The following STPG2 variants were observed in gnomAD, a reference collection of about 807,000 sequenced individuals.
STPG2 encodes the protein sperm-tail PG-rich repeat-containing protein 2.
In STPG2, 56 loss-of-function variants were observed where a neutral mutation model predicts 54.2. That is an observed-to-expected ratio of 1.03 (90% CI 0.83 to 1.29). STPG2 has a LOEUF of 1.29. STPG2 is among the 50% of genes most tolerant of loss of function. The probability of loss-of-function intolerance (pLI) is 0.00; values close to 1 mark genes in which losing one functional copy is unlikely to be tolerated. For missense variants in STPG2, 596 were observed against 544.9 expected (o/e 1.09, Z -0.93); for synonymous variants, 200 against 181.8 (o/e 1.10, Z -0.81).
At chr4:97,804,340 C>T (rs1727487345) in intron 9 of STPG2, among the ~76,000 whole-genome samples, 1 of 152,052 alleles carries the variant, frequency 6.6e-6, no homozygotes, top group Non-Finnish European at 1.5e-5. Flanking sequence ...CTGAAAAATT[C>T]CTGTTGCCTA....
chr4:97,804,433 A>C (rs1727490650), intron 9 of STPG2, among the ~76,000 whole-genome samples: 1 of 152,196 alleles, frequency 6.6e-6, no homozygotes, highest in Admixed American at 6.5e-5. Flanking sequence ...CAACAACAAC[A>C]AAAAGTTGAA....
chr4:97,960,237 A>C (rs550756239), intron 7 of STPG2, among the ~76,000 whole-genome samples: 8 of 152,146 alleles, frequency 5.3e-5, no homozygotes, highest in Non-Finnish European at 8.8e-5. Context: ...CACAACCAAC[A>C]TAATACTGAA....
intron 6 of STPG2, 91 bp from the exon 7 acceptor site, chr4:97,972,531 T>A: frequency 2.7e-6 from 2 of 749,402 alleles, no homozygotes; most frequent in Non-Finnish European, 3.9e-6. Flanking sequence ...GGTTTTTTTC[T>A]AAATAAAAAA....
At chr4:97,533,515 T>A (rs188529854) in intron 4 of STPG2, among the ~76,000 whole-genome samples, 1 of 152,046 alleles carries the variant, frequency 6.6e-6, no homozygotes, top group Non-Finnish European at 1.5e-5. Context: ...ATCACCATCA[T>A]TTGAATCATA....
At chr4:97,839,317 C>T (rs187371744) in intron 9 of STPG2, among the ~76,000 whole-genome samples, 71 of 151,642 alleles carry the variant, frequency 4.7e-4, no homozygotes, top group Admixed American at 3.0e-3. Context: ...TTTACTTGCC[C>T]TATGCTAAAT....
intron 10 of STPG2, among the ~76,000 whole-genome samples, chr4:97,641,745 A>G (rs1721772422): frequency 6.6e-6 from 1 of 151,500 alleles, no homozygotes; most frequent in South Asian, 2.1e-4. Context: ...ATAAAAAAGG[A>G]AATTCATTGA....
intron 8 of STPG2, among the ~76,000 whole-genome samples, chr4:97,924,489 C>G (rs1444557368): frequency 6.6e-6 from 1 of 152,084 alleles, no homozygotes; most frequent in African/African-American, 2.4e-5. Context: ...CTGAATTGGT[C>G]AAAGTATAAC....
intron 4 of STPG2, among the ~76,000 whole-genome samples, chr4:97,528,830 G>A: frequency 6.6e-6 from 1 of 152,026 alleles, no homozygotes; most frequent in East Asian, 1.9e-4. Flanking sequence ...GAATGCTTGT[G>A]ATTTTTGCAC....
intron 1 of STPG2, among the ~76,000 whole-genome samples, chr4:98,140,297 G>A (rs1266569469): frequency 6.6e-6 from 1 of 151,992 alleles, no homozygotes; most frequent in African/African-American, 2.4e-5. Context: ...AGAACATGAA[G>A]AACATTATAA....
chr4:97,992,945 T>A (rs1013857701), intron 5 of STPG2, among the ~76,000 whole-genome samples: 6 of 152,216 alleles, frequency 3.9e-5, no homozygotes, highest in African/African-American at 1.4e-4. Context: ...TCCTGAAACT[T>A]TGCTGAATTC....
intron 10 of STPG2, among the ~76,000 whole-genome samples, chr4:97,564,182 A>C (rs1016497783): frequency 1.3e-5 from 2 of 152,122 alleles, no homozygotes; most frequent in Non-Finnish European, 2.9e-5. Context: ...CTTTACCATT[A>C]TGTAATGGCC....
intron 8 of STPG2, among the ~76,000 whole-genome samples, chr4:97,885,440 A>G (rs1003275830): frequency 2.0e-5 from 3 of 152,232 alleles, no homozygotes; most frequent in South Asian, 2.1e-4. Context: ...AAAGACAAAG[A>G]GAAAATAGAA....
At chr4:97,476,433 C>A (rs1424814240) in intron 4 of STPG2, among the ~76,000 whole-genome samples, 1 of 151,812 alleles carries the variant, frequency 6.6e-6, no homozygotes, top group Non-Finnish European at 1.5e-5. Flanking sequence ...GTTTTAATAC[C>A]ATTTCTTTTT....
At position 97,963,761 on chromosome 4, in the gene STPG2, C is replaced by T. The variant is rs141966670; in HGVS notation, c.933+8519G>A. 2.7e-4 allele frequency among the ~76,000 whole-genome samples: 41 copies of T among 151,474 alleles called. No individual in the cohort carries two copies. In the East Asian group the frequency reaches 3.7e-3, roughly 14 times the overall value. ...CATATATATTTATTTATACTTATAT[C>T]GGACTAAATGAACAATAGAAATTAA... On this transcript the variant is annotated intron_variant, in intron 7 of 10. Transcript: ENST00000295268.
intron 8 of STPG2, among the ~76,000 whole-genome samples, chr4:97,935,995 A>G (rs1732733125): frequency 1.5e-5 from 2 of 129,260 alleles, no homozygotes; most frequent in African/African-American, 5.9e-5. Context: ...ATCTCCCACT[A>G]TTATTGTATG....
chr4:97,734,441 C>T (rs774516339), intron 9 of STPG2, among the ~76,000 whole-genome samples: 5 of 152,066 alleles, frequency 3.3e-5, no homozygotes, highest in Non-Finnish European at 5.9e-5. Context: ...TCCAATGGGC[C>T]CCAGAGTGTG....
At chr4:97,840,260 C>T (rs534419400) in intron 9 of STPG2, among the ~76,000 whole-genome samples, 1 of 151,336 alleles carries the variant, frequency 6.6e-6, no homozygotes, top group East Asian at 1.9e-4. Context: ...GTGCCTTTCT[C>T]CTCTAACAAC....
At chr4:97,643,065 AT>A (rs1292062809) in intron 10 of STPG2, among the ~76,000 whole-genome samples, 1 of 151,542 alleles carries the variant, frequency 6.6e-6, no homozygotes, top group East Asian at 1.9e-4. Flanking sequence ...ATAATTATAT[AT>A]TTTTTCATGG....
intron 9 of STPG2, among the ~76,000 whole-genome samples, chr4:97,793,617 C>T (rs986676697): frequency 1.1e-4 from 17 of 151,414 alleles, no homozygotes; most frequent in African/African-American, 4.1e-4. Flanking sequence ...CTAGAAAGGT[C>T]TGAATGCAAA....
Sources: gnomAD v4.1 joint callset for allele counts (sites outside exome capture counted in the v4.1 genomes callset) on GRCh38, gnomAD v4.1.1 for gene constraint, MANE v1.5 for transcripts, NCBI Gene and HGNC (gene_info 2026-07-23, HGNC 2026-07-21) for gene names.